The following POFUT3 variants were observed in gnomAD, a reference collection of about 807,000 sequenced individuals.
POFUT3 encodes the protein protein O-fucosyltransferase 3.
At chr8:33,318,687 TTTATATA>T in the POFUT3 span, among the ~76,000 whole-genome samples, 1 of 75,158 alleles carries the variant, frequency 1.3e-5, no homozygotes, top group Non-Finnish European at 2.2e-5. Context: ...GTATATATAT[TTTATATA>T]TATTTATATA....
chr8:33,414,822 T>C, the POFUT3 span, among the ~76,000 whole-genome samples: 1 of 152,134 alleles, frequency 6.6e-6, no homozygotes, highest in Non-Finnish European at 1.5e-5. Context: ...AAGAGTTGAC[T>C]TGGACACCTA....
At chr8:33,354,799 C>T in the POFUT3 span, among the ~76,000 whole-genome samples, 1 of 152,112 alleles carries the variant, frequency 6.6e-6, no homozygotes, top group Non-Finnish European at 1.5e-5. Flanking sequence ...TGACTAATGG[C>T]GTCTTTGTTT....
chr8:33,342,369 G>A, the POFUT3 span, among the ~76,000 whole-genome samples: 2 of 149,110 alleles, frequency 1.3e-5, no homozygotes, highest in East Asian at 4.0e-4. Context: ...CACAAAAAAA[G>A]AAAACTGACA....
At chr8:33,470,865 T>C in the POFUT3 span, among the ~76,000 whole-genome samples, 1 of 152,124 alleles carries the variant, frequency 6.6e-6, no homozygotes, top group African/African-American at 2.4e-5. Flanking sequence ...ATCCCATAAA[T>C]TATATCCAGG....
chr8:33,459,366 C>A, the POFUT3 span, among the ~76,000 whole-genome samples: 1 of 151,818 alleles, frequency 6.6e-6, no homozygotes, highest in Admixed American at 6.6e-5. Flanking sequence ...GGAAGCCAGG[C>A]GCAGTGGCTC....
the POFUT3 span, among the ~76,000 whole-genome samples, chr8:33,423,351 C>T: frequency 1.3e-5 from 2 of 152,098 alleles, no homozygotes; most frequent in African/African-American, 4.8e-5. Flanking sequence ...TCACTGCAGC[C>T]TTGACCTCCT....
chr8:33,349,862 G>GT, the POFUT3 span, among the ~76,000 whole-genome samples: 1 of 152,142 alleles, frequency 6.6e-6, no homozygotes, highest in Admixed American at 6.5e-5. Context: ...TCTCCGTGCT[G>GT]TTTTCCATAG....
chr8:33,329,540 C>T, the POFUT3 span, among the ~76,000 whole-genome samples: 1 of 152,198 alleles, frequency 6.6e-6, no homozygotes, highest in African/African-American at 2.4e-5. Flanking sequence ...TATGACACAA[C>T]TGCTCAATAC....
chr8:33,472,436 T>TC, the POFUT3 span, among the ~76,000 whole-genome samples: 24 of 152,262 alleles, frequency 1.6e-4, no homozygotes, highest in African/African-American at 5.8e-4. Flanking sequence ...TGAGCTCTGT[T>TC]CTGAGGGTAC....
At chr8:33,359,566 T>G in the POFUT3 span, among the ~76,000 whole-genome samples, 1 of 152,126 alleles carries the variant, frequency 6.6e-6, no homozygotes, top group African/African-American at 2.4e-5. Context: ...AGGCTTTGGA[T>G]GTACTCTACC....
chr8:33,321,982 T>G, the POFUT3 span, among the ~76,000 whole-genome samples: 1 of 152,120 alleles, frequency 6.6e-6, no homozygotes, highest in Non-Finnish European at 1.5e-5. Flanking sequence ...AATGAGTATA[T>G]GTCTGGCTCA....
the POFUT3 span, among the ~76,000 whole-genome samples, chr8:33,428,889 G>A: frequency 4.6e-5 from 7 of 152,144 alleles, no homozygotes; most frequent in African/African-American, 1.7e-4. Flanking sequence ...ATAAATTTCT[G>A]TTGCATATTA....
At chr8:33,404,352 A>G in the POFUT3 span, among the ~76,000 whole-genome samples, 3 of 148,500 alleles carry the variant, frequency 2.0e-5, no homozygotes, top group African/African-American at 7.6e-5. Flanking sequence ...AAAAAAAAAA[A>G]GAAAAAGAAA....
At chr8:33,423,818 T>TAAAAA in the POFUT3 span, among the ~76,000 whole-genome samples, 204 of 70,114 alleles carry the variant, frequency 2.9e-3, 29 homozygotes, top group African/African-American at 7.7e-3. Flanking sequence ...GCACACCAAG[T>TAAAAA]AAAAAAAAAA....
the POFUT3 span, among the ~76,000 whole-genome samples, chr8:33,450,422 T>C: frequency 1.3e-5 from 2 of 152,248 alleles, no homozygotes; most frequent in South Asian, 4.1e-4. Flanking sequence ...TCATCTATAT[T>C]GCCAAATAAA....
At chr8:33,411,477 A>T in the POFUT3 span, among the ~76,000 whole-genome samples, 1 of 152,316 alleles carries the variant, frequency 6.6e-6, no homozygotes, top group East Asian at 1.9e-4. Flanking sequence ...TTTTTTTAAA[A>T]TCTTCATTTG....
the POFUT3 span, among the ~76,000 whole-genome samples, chr8:33,470,483 A>T: frequency 6.6e-6 from 1 of 152,106 alleles, no homozygotes. Flanking sequence ...GTGTCACAGT[A>T]AGAACTAAGG....
chr8:33,347,323 A>C, the POFUT3 span, among the ~76,000 whole-genome samples: 2 of 152,160 alleles, frequency 1.3e-5, no homozygotes, highest in African/African-American at 4.8e-5. Flanking sequence ...AGGTTCTGCA[A>C]ATACTGTTTG....
At chr8:33,454,161 T>C in the POFUT3 span, among the ~76,000 whole-genome samples, 1 of 152,140 alleles carries the variant, frequency 6.6e-6, no homozygotes, top group Non-Finnish European at 1.5e-5. Context: ...ATCACAAATT[T>C]GTTATCACAC....
Sources: allele counts gnomAD v4.1 joint callset (sites outside exome capture counted in the v4.1 genomes callset), GRCh38; gene constraint gnomAD v4.1.1; transcripts MANE v1.5; gene names NCBI Gene and HGNC (gene_info 2026-07-23, HGNC 2026-07-21).